LPA: variants seen among roughly 807,000 people sequenced by gnomAD.
The protein encoded by LPA is apolipoprotein(a).
LPA carries 199 observed loss-of-function variants against 197.9 expected under a neutral mutation model. That is an observed-to-expected ratio of 1.01 (90% CI 0.90 to 1.13). LPA has a LOEUF of 1.13. Among genes scored for constraint, LPA ranks in the 50% most tolerant of loss-of-function variants. The pLI, the probability that LPA is intolerant of heterozygous loss-of-function variation, is 0.00. For missense variants in LPA, 1,853 were observed against 1,785.8 expected (o/e 1.04, Z -0.68); for synonymous variants, 715 against 639.5 (o/e 1.12, Z -1.78).
At chr6:160,550,220 GAAA>G (rs35220367) in intron 30 of LPA, among the ~76,000 whole-genome samples, 8 of 137,936 alleles carry the variant, frequency 5.8e-5, no homozygotes, top group Non-Finnish European at 6.3e-5. Context: ...ACTCTGTCAA[GAAA>G]AAAAAAAAAA....
At chr6:160,563,577 T>C (rs776565604) in intron 28 of LPA, among the ~76,000 whole-genome samples, 23 of 152,246 alleles carry the variant, frequency 1.5e-4, no homozygotes, top group Non-Finnish European at 2.6e-4. Context: ...TAGATGTCTA[T>C]TAGGTCAGCT....
rs764024964 is a variant in LPA at position 160,599,584 on chromosome 6, G to A, written c.3203C>T (p.Thr1068Ile). Reference protein sequence around the residue: ...YGQSYRGTYSTTVTGRTCQAW... With the variant: ...YGQSYRGTYSITVTGRTCQAW... Reference sequence around the variant, plus strand: ...TTGGCAAGTTCTTCCTGTGACAGTGGTGGAGTATGTGCCTCGGTAACTCTG... The same window carrying A: ...TTGGCAAGTTCTTCCTGTGACAGTGATGGAGTATGTGCCTCGGTAACTCTG... Residue 1068 changes from threonine (T) to isoleucine (I), a missense_variant, in exon 20 of 39, where the codon ACC (threonine) becomes ATC (isoleucine). This residue lies in a region of LPA where 1,737 missense variants were observed against 1,504.4 expected (regional missense o/e 1.15). Transcript: ENST00000316300. 11 of 1,614,124 alleles carry A rather than the reference G, an allele frequency of 6.8e-6. No homozygotes were observed. In the East Asian group the frequency reaches 2.2e-4, roughly 33 times the overall value.
chr6:160,534,844 G>T (rs1463159422), intron 37 of LPA, among the ~76,000 whole-genome samples: 1 of 152,064 alleles, frequency 6.6e-6, no homozygotes, highest in Non-Finnish European at 1.5e-5. Flanking sequence ...AGTGGGCTCT[G>T]GGGTCAACAC....
intron 1 of LPA, among the ~76,000 whole-genome samples, chr6:160,662,715 C>T (rs181690867): frequency 7.9e-5 from 12 of 152,282 alleles, no homozygotes; most frequent in Non-Finnish European, 1.3e-4. Context: ...TCTTCTCCTG[C>T]TCTGTATTTT....
At chr6:160,655,712 T>C (rs1228112310) in intron 1 of LPA, among the ~76,000 whole-genome samples, 1 of 152,246 alleles carries the variant, frequency 6.6e-6, no homozygotes, top group African/African-American at 2.4e-5. Context: ...GCTGGATTTA[T>C]TTCCCATCCT....
chr6:160,646,945 G>C (rs533575970), intron 2 of LPA, among the ~76,000 whole-genome samples: 4 of 151,988 alleles, frequency 2.6e-5, no homozygotes, highest in Non-Finnish European at 2.9e-5. Flanking sequence ...TAGTGAAAAG[G>C]CTCTACCTTT....
chr6:160,594,182 C>A, intron 21 of LPA, 65 bp from the exon 22 acceptor site: 1 of 1,591,082 alleles, frequency 6.3e-7, no homozygotes, highest in African/African-American at 1.3e-5. Context: ...CAGAAGAAAT[C>A]TGTGACTGAA....
In LPA at chr6:160,650,610, C is replaced by T. The variant is rs953311692; in HGVS notation, c.50-113G>A. On this transcript the variant is annotated intron_variant, in intron 1 of 38. Transcript: ENST00000316300. ...CTCTGAGAATTACGACCATTCTCTT[C>T]TCTTGATTAGCAGGCAGACAGACGT... The T allele has an allele frequency of 3.9e-6, 4 of 1,018,942 alleles. No individual in the cohort carries two copies. In the African/African-American group the frequency reaches 6.3e-5, roughly 16 times the overall value. The allele number at this position is 1,018,942 out of a possible 1,614,324, so 63.1% of individuals were successfully genotyped here.
At chr6:160,646,917 C>A (rs6906446) in intron 2 of LPA, among the ~76,000 whole-genome samples, 43,305 of 151,068 alleles carry the variant, frequency 0.29, 7,523 homozygotes, top group East Asian at 0.42. Flanking sequence ...AACTCTCACA[C>A]TCCATGTACT....
At chr6:160,557,922 AT>A (rs35457795) in intron 28 of LPA, among the ~76,000 whole-genome samples, 636 of 143,420 alleles carry the variant, frequency 4.4e-3, no homozygotes, top group Middle Eastern at 7.1e-3. Context: ...TGCATTTTAG[AT>A]TTTTTTTTTT....
chr6:160,550,319 T>G (rs1778148261), intron 30 of LPA, among the ~76,000 whole-genome samples: 1 of 151,958 alleles, frequency 6.6e-6, no homozygotes, highest in Admixed American at 6.6e-5. Context: ...TGCTCCAACC[T>G]CTCAGAATCC....
At chr6:160,604,271 A>C (rs1039878445) in intron 18 of LPA, among the ~76,000 whole-genome samples, 3 of 152,194 alleles carry the variant, frequency 2.0e-5, no homozygotes, top group African/African-American at 7.2e-5. Flanking sequence ...TCAGTGCAAG[A>C]AGGGCCTCCA....
intron 2 of LPA, among the ~76,000 whole-genome samples, chr6:160,646,913 C>T (rs1245878480): frequency 2.0e-5 from 3 of 151,916 alleles, no homozygotes; most frequent in African/African-American, 7.3e-5. Context: ...GGTCAACTCT[C>T]ACACTCCATG....
chr6:160,610,095 T>A (rs919899926), intron 16 of LPA, among the ~76,000 whole-genome samples: 1 of 152,176 alleles, frequency 6.6e-6, no homozygotes, highest in Non-Finnish European at 1.5e-5. Flanking sequence ...GCAATTCTAA[T>A]TATCGATGTC....
intron 26 of LPA, among the ~76,000 whole-genome samples, chr6:160,582,524 G>A (rs1350448032): frequency 6.6e-6 from 1 of 151,864 alleles, no homozygotes; most frequent in African/African-American, 2.4e-5. Flanking sequence ...TCTGATTTGT[G>A]TTGTTTCTGA....
In LPA at chr6:160,540,163, T is replaced by C; in HGVS notation, c.5615A>G (p.Tyr1872Cys). 2 of 1,614,036 alleles carry C rather than the reference T, an allele frequency of 1.2e-6. No homozygotes were observed. The highest frequency in any genetic ancestry group is 8.5e-7 in the Non-Finnish European group (1 of 1,180,014). ...TTGGTGTGCACCCAGGATGACCTTGTAGGATGAAGGCCTTGAGGACCTAGA... is the reference window on the plus strand; with the variant it reads ...TTGGTGTGCACCCAGGATGACCTTGCAGGATGAAGGCCTTGAGGACCTAGA... ...CLKKSSRPSS[Y>C]KVILGAHQEV... The change falls in exon 36 of 39, where the codon TAC becomes TGC. Residue 1872 changes from tyrosine to cysteine, a missense_variant. Physicochemically the swap from Tyr to Cys is radical, Grantham distance 194. This residue lies in a region of LPA where 1,737 missense variants were observed against 1,504.4 expected (regional missense o/e 1.15). Coordinates refer to ENST00000316300, the MANE Select transcript of LPA (RefSeq NM_005577.4).
At chr6:160,589,849 A>T (rs1778992161) in intron 23 of LPA, 137 bp from the exon 24 acceptor site, 1 of 945,536 alleles carries the variant, frequency 1.1e-6, no homozygotes, top group Non-Finnish European at 1.7e-6. Context: ...AGGCAGATGG[A>T]CATGCCAATA....
chr6:160,643,104 G>GTC (rs1779868151), intron 4 of LPA, among the ~76,000 whole-genome samples: 1 of 149,912 alleles, frequency 6.7e-6, no homozygotes, highest in Non-Finnish European at 1.5e-5. Context: ...GTGTGTGTGT[G>GTC]TGTGTGTGTG....
chr6:160,586,454 T>C lies in LPA; in HGVS notation c.4124A>G (p.Glu1375Gly). 6.2e-7 allele frequency: 1 copy of C among 1,613,504 alleles called. No individual in the cohort carries two copies. The highest frequency in any genetic ancestry group is 1.1e-5 in the South Asian group (1 of 91,072). The change falls in exon 25 of 39, where the codon GAA (glutamate) becomes GGA (glycine). Residue 1375 changes from glutamate (E) to glycine (G), a missense_variant. Around this residue, in one of 3 missense-constraint regions of LPA, gnomAD observed 1,737 missense variants for 1,504.4 expected, o/e 1.15. Transcript: ENST00000316300. ...VPVPSTELPS[E>G]EAPTENSTGV... ...TCTGACTGCAGGCTTCTTACCTTCT[T>C]CAGAAGGAAGCTCTGTGCTTGGAAC... is the stretch of plus-strand genomic sequence containing the variant.
Sources: gnomAD v4.1 joint callset for allele counts (sites outside exome capture counted in the v4.1 genomes callset) on GRCh38, gnomAD v4.1.1 for gene constraint, gnomAD v4.1.1 regional missense constraint, MANE v1.5 for transcripts, NCBI Gene and HGNC (gene_info 2026-07-23, HGNC 2026-07-21) for gene names.